Variants in ANK3 observed in about 807,000 individuals in gnomAD.
ANK3 encodes the protein ankyrin 3.
Under a neutral mutation model 370.9 loss-of-function variants are expected in ANK3, and 57 were observed. The ratio of observed to expected loss-of-function variants is 0.15; its 90% CI spans 0.12 to 0.19. The LOEUF is 0.19. Ranked by LOEUF, ANK3 falls within the 10% of genes least tolerant of loss-of-function variation. ANK3 has a pLI of 1.00. For synonymous variants in ANK3, 1,929 were observed against 1,946.3 expected (o/e 0.99, Z 0.23); for missense variants, 4,439 against 5,302.1 (o/e 0.84, Z 5.06).
chr10:60,481,945 T>C (rs2075229996), intron 2 of ANK3, among the ~76,000 whole-genome samples: 1 of 152,178 alleles, frequency 6.6e-6, no homozygotes, highest in Non-Finnish European at 1.5e-5. Flanking sequence ...GCGATATTCC[T>C]TAAAACAGGC....
intron 1 of ANK3, among the ~76,000 whole-genome samples, chr10:60,330,813 A>G (rs2051060824): frequency 6.6e-6 from 1 of 152,218 alleles, no homozygotes. Context: ...AGACACATGC[A>G]TATGTATGTT....
At chr10:60,246,222 C>T (rs958414762) in intron 7 of ANK3, among the ~76,000 whole-genome samples, 8 of 134,296 alleles carry the variant, frequency 6.0e-5, no homozygotes, top group African/African-American at 1.5e-4. Flanking sequence ...TGCCACTGCA[C>T]GCCAGCCTGG....
intron 1 of ANK3, among the ~76,000 whole-genome samples, chr10:60,335,210 G>A (rs2052525356): frequency 6.6e-6 from 1 of 152,080 alleles, no homozygotes; most frequent in South Asian, 2.1e-4. Context: ...ACAAGAATGA[G>A]GTTGTGGCTA....
chr10:60,145,874 T>A (rs1186250087), intron 23 of ANK3: 1 of 685,576 alleles, frequency 1.5e-6, no homozygotes, highest in Non-Finnish European at 2.6e-6. Flanking sequence ...TGGCACATAG[T>A]AGGTGCTCAA....
chr10:60,692,937 G>A (rs968173112), intron 1 of ANK3, among the ~76,000 whole-genome samples: 2 of 152,210 alleles, frequency 1.3e-5, no homozygotes, highest in Non-Finnish European at 2.9e-5. Context: ...GGCATGTGAT[G>A]TAGGCTTCTT....
At chr10:60,150,319 A>C (rs2095049360) in intron 23 of ANK3, among the ~76,000 whole-genome samples, 1 of 152,202 alleles carries the variant, frequency 6.6e-6, no homozygotes, top group South Asian at 2.1e-4. Context: ...AGTTTTCTAA[A>C]TATGAAACAC....
intron 2 of ANK3, among the ~76,000 whole-genome samples, chr10:60,434,644 G>T (rs1173116707): frequency 6.6e-6 from 1 of 152,182 alleles, no homozygotes; most frequent in Non-Finnish European, 1.5e-5. Flanking sequence ...AATATTCAGA[G>T]AAAACAACCA....
intron 2 of ANK3, chr10:60,572,427 G>T: frequency 6.5e-7 from 1 of 1,527,286 alleles, no homozygotes; most frequent in South Asian, 1.2e-5. Flanking sequence ...CAGAGCCAGA[G>T]AACAATGAAG....
At chr10:60,733,128 G>T in intron 1 of ANK3, 1 of 685,722 alleles carries the variant, frequency 1.5e-6, no homozygotes, top group Non-Finnish European at 2.0e-6. Flanking sequence ...CCCTCCCGGA[G>T]CCTCGCGGCG....
At chr10:60,730,810 A>G (rs1008367744) in intron 1 of ANK3, among the ~76,000 whole-genome samples, 7 of 152,230 alleles carry the variant, frequency 4.6e-5, no homozygotes, top group Admixed American at 4.6e-4. Context: ...CTAGAAGTAT[A>G]AACTTTAATA....
intron 16 of ANK3, among the ~76,000 whole-genome samples, chr10:60,190,064 C>T (rs537152746): frequency 1.3e-5 from 2 of 152,248 alleles, no homozygotes; most frequent in Non-Finnish European, 1.5e-5. Flanking sequence ...ATAGATTGGA[C>T]TAAAATAGAT....
At chr10:60,554,050 T>C (rs10740031) in intron 2 of ANK3, among the ~76,000 whole-genome samples, 102,889 of 152,038 alleles carry the variant, frequency 0.68, 35,562 homozygotes, top group South Asian at 0.88. Flanking sequence ...TTGGCAAGAC[T>C]GGCTCCAATT....
At chr10:60,522,782 AAT>A (rs2076378256) in intron 2 of ANK3, among the ~76,000 whole-genome samples, 1 of 152,230 alleles carries the variant, frequency 6.6e-6, no homozygotes, top group East Asian at 1.9e-4. Context: ...TTCTTCTATG[AAT>A]ATGAAACAGA....
In ANK3 at chr10:60,395,555, T is replaced by TCTTTCTTC. The variant is rs1211158722; in HGVS notation, c.97-115917_97-115916insGAAGAAAG. 1.9e-4 allele frequency among the ~76,000 whole-genome samples: 11 copies of TCTTTCTTC among 56,944 alleles called. No homozygotes were observed. In the East Asian group the frequency reaches 3.7e-3, roughly 19 times the overall value. 37.4% of individuals were successfully genotyped at this position (56,944 alleles called of 152,430 possible). On this transcript the variant is annotated intron_variant, in intron 2 of 43. Coordinates refer to the ANK3 transcript ENST00000373827. ...TTAGCAATCAACTACTATGCCTCTT[T>TCTTTCTTC]CTTTCTTTCTTTCTTTCTTTCTTTC...
At chr10:60,411,478 A>G (rs1459470227) in intron 2 of ANK3, among the ~76,000 whole-genome samples, 1 of 152,162 alleles carries the variant, frequency 6.6e-6, no homozygotes, top group African/African-American at 2.4e-5. Context: ...CTTCTAATAG[A>G]GCAGGTCTGG....
rs982480246 is a variant in ANK3, at chr10:60,187,039, A to C, written c.1888-127T>G. The C allele has an allele frequency of 4.3e-5, 38 of 891,396 alleles. No individual in the cohort carries two copies. The East Asian group carries it at 9.6e-4, about 23-fold the overall frequency. The allele number at this position is 891,396 out of a possible 1,614,324, so 55.2% of individuals were successfully genotyped here. A position where few individuals can be genotyped will look rare whatever the true frequency, so the allele number is the denominator to read the frequency against. On this transcript the variant is annotated intron_variant, in intron 16 of 43. Coordinates refer to ENST00000280772, the MANE Select transcript of ANK3 (RefSeq NM_020987.5). ...TTGCTTAAGAAATCATGATTAAGTA[A>C]GCAAATACTGGTAAACCAAGTGGTA...
chr10:60,451,404 T>C (rs964369853), intron 2 of ANK3, among the ~76,000 whole-genome samples: 7 of 152,206 alleles, frequency 4.6e-5, no homozygotes, highest in African/African-American at 1.7e-4. Flanking sequence ...TTCAAAACCA[T>C]TGGCCTAGAA....
At chr10:60,060,660 A>G (rs963430785) in intron 40 of ANK3, 1 of 152,168 alleles carries the variant, frequency 6.6e-6, no homozygotes, top group African/African-American at 2.4e-5. Context: ...AAACAGACCA[A>G]GTTTAAAAGA....
chr10:60,102,772 G>A (rs1163772648), intron 28 of ANK3, among the ~76,000 whole-genome samples: 1 of 152,082 alleles, frequency 6.6e-6, no homozygotes, highest in Non-Finnish European at 1.5e-5. Flanking sequence ...CAACAGGACT[G>A]GTTATAAAAG....
Sources: gnomAD v4.1 joint callset for allele counts (sites outside exome capture counted in the v4.1 genomes callset) on GRCh38, gnomAD v4.1.1 for gene constraint, MANE v1.5 for transcripts, NCBI Gene and HGNC (gene_info 2026-07-23, HGNC 2026-07-21) for gene names.